Variants in STMN2 observed in about 807,000 individuals in gnomAD.
STMN2 encodes the protein stathmin 2.
In STMN2, 2 loss-of-function variants were observed where a neutral mutation model predicts 24.1. That is an observed-to-expected ratio of 0.08 (90% CI 0.03 to 0.26). The LOEUF (loss-of-function observed/expected upper bound fraction) is 0.26. Among genes scored for constraint, STMN2 ranks in the 10% least tolerant of loss-of-function variants. The probability of loss-of-function intolerance (pLI) is 1.00; values close to 1 mark genes in which losing one functional copy is unlikely to be tolerated. For missense variants in STMN2, 114 were observed against 213.6 expected (o/e 0.53, Z 2.91); for synonymous variants, 83 against 77.5 (o/e 1.07, Z -0.37).
At chr8:79,616,398 G>T (rs1809383382) in intron 1 of STMN2, among the ~76,000 whole-genome samples, 1 of 152,126 alleles carries the variant, frequency 6.6e-6, no homozygotes, top group South Asian at 2.1e-4. Context: ...TGCATTGATA[G>T]AATTATTTTT....
At chr8:79,644,991 C>G (rs961282852) in intron 3 of STMN2, among the ~76,000 whole-genome samples, 3 of 152,070 alleles carry the variant, frequency 2.0e-5, no homozygotes, top group Non-Finnish European at 2.9e-5. Context: ...CCCATCTCTA[C>G]TAAAAATACA....
intron 1 of STMN2, among the ~76,000 whole-genome samples, chr8:79,621,606 A>T (rs1809517518): frequency 6.6e-6 from 1 of 152,196 alleles, no homozygotes; most frequent in African/African-American, 2.4e-5. Context: ...AACTCATTCA[A>T]CGTTTTGTTA....
At position 79,645,328 on chromosome 8, in the gene STMN2, G is replaced by C; in HGVS notation, c.288+3778G>C. The stretch of plus-strand genomic sequence containing the variant: ...ATGTAATCAATATAGAAGTATTAAT[G>C]AGCTGTTTCACATTATTTTATTCAT... On this transcript the variant is annotated intron_variant, in intron 3 of 4. Coordinates refer to ENST00000220876, the MANE Select transcript of STMN2 (RefSeq NM_007029.4). Among the ~76,000 whole-genome samples, 2 of 152,058 alleles carry C rather than the reference G, an allele frequency of 1.3e-5. 1 individual carries two copies. Among genetic ancestry groups the C allele is most frequent in the Admixed American group, 1.3e-4 (2 of 15,264 alleles).
At chr8:79,623,331 A>G (rs1253746333) in intron 1 of STMN2, among the ~76,000 whole-genome samples, 5 of 152,226 alleles carry the variant, frequency 3.3e-5, no homozygotes, top group Admixed American at 6.5e-5. Flanking sequence ...AAATGTAATT[A>G]CTAGAGCAAC....
intron 1 of STMN2, among the ~76,000 whole-genome samples, chr8:79,627,107 T>C (rs930018694): frequency 6.6e-6 from 1 of 152,168 alleles, no homozygotes; most frequent in Non-Finnish European, 1.5e-5. Flanking sequence ...CCTATTAATA[T>C]TTTGTAAAAT....
intron 1 of STMN2, among the ~76,000 whole-genome samples, chr8:79,626,844 C>T (rs1019657128): frequency 2.6e-5 from 4 of 152,056 alleles, no homozygotes; most frequent in Non-Finnish European, 4.4e-5. Flanking sequence ...TAGCAGCAAA[C>T]GAAACCATGG....
chr8:79,643,255 G>A (rs1431240346), intron 3 of STMN2, among the ~76,000 whole-genome samples: 1 of 148,806 alleles, frequency 6.7e-6, no homozygotes, highest in African/African-American at 2.5e-5. Context: ...TATACAGGAA[G>A]TTGCTTTAAA....
At chr8:79,646,224 C>T (rs1810214105) in intron 3 of STMN2, among the ~76,000 whole-genome samples, 1 of 152,016 alleles carries the variant, frequency 6.6e-6, no homozygotes, top group Non-Finnish European at 1.5e-5. Context: ...CAAAATCACT[C>T]AGTCAACAGA....
chr8:79,637,252 G>C (rs552756549), intron 2 of STMN2, among the ~76,000 whole-genome samples: 4 of 152,144 alleles, frequency 2.6e-5, no homozygotes, highest in African/African-American at 9.7e-5. Flanking sequence ...TTTATACTTA[G>C]AAAACTCAAG....
At chr8:79,611,432 G>A (rs35479042) in intron 1 of STMN2, among the ~76,000 whole-genome samples, 1 of 152,098 alleles carries the variant, frequency 6.6e-6, no homozygotes, top group African/African-American at 2.4e-5. Flanking sequence ...AGGTAGAAGC[G>A]GGTAAGTTGC....
chr8:79,663,990 A>G (rs116589156), intron 4 of STMN2, among the ~76,000 whole-genome samples: 1,885 of 152,196 alleles, frequency 0.012, 43 homozygotes, highest in African/African-American at 0.043. Context: ...GGAAAAAAAA[A>G]TGATAAAACA....
chr8:79,657,211 CA>C (rs1806396332), intron 4 of STMN2, among the ~76,000 whole-genome samples: 1 of 152,124 alleles, frequency 6.6e-6, no homozygotes. Context: ...TAAAATAGTT[CA>C]AAAATTTTCC....
intron 3 of STMN2, among the ~76,000 whole-genome samples, chr8:79,649,317 C>T (rs144513957): frequency 6.6e-6 from 1 of 151,846 alleles, no homozygotes; most frequent in African/African-American, 2.4e-5. Flanking sequence ...GAAGAGCACC[C>T]CCAAGTTTCT....
chr8:79,644,911 T>C (rs1810185745), intron 3 of STMN2, among the ~76,000 whole-genome samples: 1 of 152,044 alleles, frequency 6.6e-6, no homozygotes, highest in African/African-American at 2.4e-5. Context: ...TCCCAGCACT[T>C]TGGGACGCCG....
At chr8:79,650,087 G>A (rs1255257500) in intron 3 of STMN2, among the ~76,000 whole-genome samples, 2 of 152,160 alleles carry the variant, frequency 1.3e-5, no homozygotes, top group Non-Finnish European at 2.9e-5. Context: ...ACGTCACGTT[G>A]AACATCTCAG....
chr8:79,664,948 A>C lies in STMN2; in HGVS notation c.*74A>C. 1 of 1,336,904 alleles carries C rather than the reference A, an allele frequency of 7.5e-7. No individual in the cohort carries two copies. The highest frequency in any genetic ancestry group is 1.0e-6 in the Non-Finnish European group (1 of 975,446). The allele number at this position is 1,336,904 out of a possible 1,614,324, so 82.8% of individuals were successfully genotyped here. On this transcript the variant is annotated 3_prime_UTR_variant, in exon 5 of 5. Coordinates refer to ENST00000220876, the MANE Select transcript of STMN2 (RefSeq NM_007029.4). ...ATATTATAATGGATCATGCGATATCAGGATGGGGAATGTATGACATGGTTT... is the reference window on the plus strand; with the variant it reads ...ATATTATAATGGATCATGCGATATCCGGATGGGGAATGTATGACATGGTTT...
chr8:79,621,709 G>T (rs2130306448), intron 1 of STMN2, among the ~76,000 whole-genome samples: 1 of 152,316 alleles, frequency 6.6e-6, no homozygotes, highest in East Asian at 1.9e-4. Context: ...CAAGCTTAGA[G>T]AATCTCTAGA....
intron 1 of STMN2, chr8:79,621,092 T>A: frequency 4.5e-6 from 4 of 881,368 alleles, no homozygotes; most frequent in Non-Finnish European, 5.4e-6. Flanking sequence ...CCACCAGTGC[T>A]GCTGGTGCTG....
chr8:79,630,301 G>C (rs148166074), intron 1 of STMN2, among the ~76,000 whole-genome samples: 5 of 151,978 alleles, frequency 3.3e-5, no homozygotes. Context: ...TAAAAGTCTC[G>C]CACTTTTTAT....
Sources: gnomAD v4.1 joint callset for allele counts (sites outside exome capture counted in the v4.1 genomes callset) on GRCh38, gnomAD v4.1.1 for gene constraint, MANE v1.5 for transcripts, NCBI Gene and HGNC (gene_info 2026-07-23, HGNC 2026-07-21) for gene names.